CEP57L1: variants seen among roughly 807,000 people sequenced by gnomAD.
CEP57L1 encodes centrosomal protein 57 like 1.
A neutral mutation model predicts 61.0 loss-of-function variants in CEP57L1; 37 were observed. That is an observed-to-expected ratio of 0.61 (90% CI 0.47 to 0.80). CEP57L1 has a LOEUF of 0.80. CEP57L1 is among the 30% of genes least tolerant of loss of function. The probability of loss-of-function intolerance (pLI) is 0.00; values close to 1 mark genes in which losing one functional copy is unlikely to be tolerated. For missense variants in CEP57L1, 422 were observed against 524.7 expected (o/e 0.80, Z 1.91); for synonymous variants, 137 against 162.3 (o/e 0.84, Z 1.19).
chr6:109,099,914 T>A (rs578231726), intron 1 of CEP57L1, among the ~76,000 whole-genome samples: 1 of 152,332 alleles, frequency 6.6e-6, no homozygotes, highest in African/African-American at 2.4e-5. Context: ...TTTACTGTGT[T>A]CTTTGTCCAG....
At chr6:109,154,989 G>A (rs1438012824) in intron 5 of CEP57L1, among the ~76,000 whole-genome samples, 1 of 152,050 alleles carries the variant, frequency 6.6e-6, no homozygotes, top group East Asian at 1.9e-4. Flanking sequence ...CTGTGTGTGT[G>A]TATATTCTTT....
At chr6:109,153,687 A>T (rs1772906001) in intron 4 of CEP57L1, 146 bp from the exon 5 acceptor site, 1 of 568,134 alleles carries the variant, frequency 1.8e-6, no homozygotes, top group African/African-American at 2.0e-5. Flanking sequence ...TTTGCTTGTA[A>T]GCATCTAAAG....
At chr6:109,109,392 C>T (rs1771310829) in intron 1 of CEP57L1, among the ~76,000 whole-genome samples, 1 of 152,080 alleles carries the variant, frequency 6.6e-6, no homozygotes, top group South Asian at 2.1e-4. Flanking sequence ...AGTTATTTGC[C>T]AGGAAATTCA....
rs548135204 is a variant in CEP57L1 at position 109,171,278 on chromosome 6, G to C, written c.*8308G>C. On this transcript the variant is annotated 3_prime_UTR_variant, in exon 11 of 11. Transcript: ENST00000517392. ...TTTGAGACGGAGTTTCGCTCTTGTTGCCCAAGCTGGAGTGCAATGGCGCGA... is the reference window on the plus strand; with the variant it reads ...TTTGAGACGGAGTTTCGCTCTTGTTCCCCAAGCTGGAGTGCAATGGCGCGA... 1.1e-3 allele frequency among the ~76,000 whole-genome samples: 163 copies of C among 146,544 alleles called. No homozygotes were observed. The highest frequency in any genetic ancestry group is 3.9e-3 in the African/African-American group (152 of 39,200).
intron 1 of CEP57L1, among the ~76,000 whole-genome samples, chr6:109,119,039 C>T (rs1157731536): frequency 6.6e-6 from 1 of 152,050 alleles, no homozygotes; most frequent in African/African-American, 2.4e-5. Flanking sequence ...AAAGGGAAAA[C>T]TTCATGGACA....
intron 1 of CEP57L1, among the ~76,000 whole-genome samples, chr6:109,102,180 T>A (rs937808776): frequency 6.6e-6 from 1 of 152,208 alleles, no homozygotes; most frequent in Non-Finnish European, 1.5e-5. Flanking sequence ...TGTCCATTTT[T>A]AAATTATTAT....
chr6:109,098,494 GTA>G (rs1228444114), intron 1 of CEP57L1, among the ~76,000 whole-genome samples: 3 of 152,166 alleles, frequency 2.0e-5, no homozygotes, highest in East Asian at 3.9e-4. Flanking sequence ...CCAGGCTGGA[GTA>G]TAGTCATAGC....
rs377523803 is a variant in CEP57L1, at chr6:109,142,621, GAAA to G, written c.-3-2588_-3-2586del. Among the ~76,000 whole-genome samples, 1,125 of 140,660 alleles carry G rather than the reference GAAA, an allele frequency of 8.0e-3. 11 individuals carry two copies. The highest frequency in any genetic ancestry group is 0.028 in the African/African-American group (1,054 of 37,832). 92.3% of individuals were successfully genotyped at this position (140,660 alleles called of 152,430 possible). A position where few individuals can be genotyped will look rare whatever the true frequency, so the allele number is the denominator to read the frequency against. On this transcript the variant is annotated intron_variant, in intron 1 of 10. Transcript: ENST00000517392. ...AAGAAAAAATAAATAAAAATTTTAA[GAAA>G]AAAAAAAAAGGTACAACTTGAGTTT...
At chr6:109,095,984 G>A (rs1399281852) in intron 1 of CEP57L1, among the ~76,000 whole-genome samples, 29 of 152,210 alleles carry the variant, frequency 1.9e-4, no homozygotes, top group Non-Finnish European at 2.9e-5. Flanking sequence ...CCTAGGCAGG[G>A]CTTTGAAAGC....
intron 1 of CEP57L1, among the ~76,000 whole-genome samples, chr6:109,127,293 A>G (rs1434112900): frequency 1.3e-5 from 2 of 152,212 alleles, no homozygotes; most frequent in Non-Finnish European, 2.9e-5. Flanking sequence ...TATGAAATAA[A>G]CCAATTTTAC....
chr6:109,118,554 A>G (rs1772575725), intron 1 of CEP57L1, among the ~76,000 whole-genome samples: 1 of 152,240 alleles, frequency 6.6e-6, no homozygotes, highest in South Asian at 2.1e-4. Context: ...GAGCCTTTCA[A>G]AACAGTTGTT....
rs1774531278 is a variant in CEP57L1 at position 109,174,098 on chromosome 6, T to TAAAA, written c.*11128_*11129insAAAA. ...CTGAGCCATAGAGTGAGTCTTGGTCTCAAAAAAAAAAAAAAACCTTGTGTT... is the reference window on the plus strand; with the variant it reads ...CTGAGCCATAGAGTGAGTCTTGGTCTAAAACAAAAAAAAAAAAAAACCTTGTGTT... On this transcript the variant is annotated 3_prime_UTR_variant, in exon 11 of 11. Transcript: ENST00000517392. Among the ~76,000 whole-genome samples the TAAAA allele has an allele frequency of 8.9e-6, 1 of 112,594 alleles. No individual in the cohort carries two copies. The highest frequency in any genetic ancestry group is 3.7e-5 in the African/African-American group (1 of 26,758). The allele number at this position is 112,594 out of a possible 152,430, so 73.9% of individuals were successfully genotyped here.
In CEP57L1 at chr6:109,163,667, G is replaced by A. The variant is rs1241557340; in HGVS notation, c.*697G>A. ...TAACTTTTGCTGACTTTTATTCTTT[G>A]CATTGTATGTAATGTCCATCAGTAT... is the stretch of plus-strand genomic sequence containing the variant. On this transcript the variant is annotated 3_prime_UTR_variant, in exon 11 of 11. Coordinates refer to ENST00000517392, the MANE Select transcript of CEP57L1 (RefSeq NM_001271852.3). The A allele has an allele frequency of 6.6e-6, 1 of 151,458 alleles. No homozygotes were observed. The highest frequency in any genetic ancestry group is 3.2e-3 in the Middle Eastern group (1 of 312). 9.4% of individuals were successfully genotyped at this position (151,458 alleles called of 1,614,324 possible). A position where few individuals can be genotyped will look rare whatever the true frequency, so the allele number is the denominator to read the frequency against.
chr6:109,099,707 G>A (rs1236152165), intron 1 of CEP57L1, among the ~76,000 whole-genome samples: 1 of 152,042 alleles, frequency 6.6e-6, no homozygotes, highest in African/African-American at 2.4e-5. Flanking sequence ...CCGCCACCAT[G>A]CCCGGCTAAT....
intron 1 of CEP57L1, among the ~76,000 whole-genome samples, chr6:109,119,885 A>G (rs1772752511): frequency 6.6e-6 from 1 of 152,196 alleles, no homozygotes; most frequent in Non-Finnish European, 1.5e-5. Flanking sequence ...GTTAAGAAAC[A>G]CTGGATATAA....
chr6:109,170,839 A>G lies in CEP57L1; in HGVS notation c.*7869A>G, dbSNP rs1416325468. 2.6e-5 allele frequency among the ~76,000 whole-genome samples: 4 copies of G among 151,594 alleles called. No individual in the cohort carries two copies. The highest frequency in any genetic ancestry group is 9.7e-5 in the African/African-American group (4 of 41,104). On this transcript the variant is annotated 3_prime_UTR_variant, in exon 11 of 11. Coordinates refer to ENST00000517392, the MANE Select transcript of CEP57L1 (RefSeq NM_001271852.3). ...TGAAATGCTTGAACACATAAAAAGCATTATTGCCTTCATTTTCCCTGAAAT... is the reference window on the plus strand; with the variant it reads ...TGAAATGCTTGAACACATAAAAAGCGTTATTGCCTTCATTTTCCCTGAAAT...
intron 1 of CEP57L1, 108 bp downstream of exon 1, chr6:109,095,683 C>A: frequency 1.5e-6 from 1 of 683,204 alleles, no homozygotes; most frequent in Non-Finnish European, 1.8e-6. Flanking sequence ...TCCCTTAGTC[C>A]AAGGACTTTT....
intron 1 of CEP57L1, among the ~76,000 whole-genome samples, chr6:109,098,773 A>C (rs981313975): frequency 6.6e-6 from 1 of 152,164 alleles, no homozygotes; most frequent in Non-Finnish European, 1.5e-5. Context: ...GATTAGAGGC[A>C]TAACCCACTG....
At chr6:109,122,072 C>G (rs1348874738) in intron 1 of CEP57L1, among the ~76,000 whole-genome samples, 2 of 152,182 alleles carry the variant, frequency 1.3e-5, no homozygotes, top group African/African-American at 4.8e-5. Context: ...TTATTGGCCT[C>G]AATTGAAGTC....
Sources: gnomAD v4.1 joint callset for allele counts (sites outside exome capture counted in the v4.1 genomes callset) on GRCh38, gnomAD v4.1.1 for gene constraint, MANE v1.5 for transcripts, NCBI Gene and HGNC (gene_info 2026-07-23, HGNC 2026-07-21) for gene names.